VIPR2: variants seen among roughly 807,000 people sequenced by gnomAD.
VIPR2 encodes the protein vasoactive intestinal polypeptide receptor 2.
A neutral mutation model predicts 58.0 loss-of-function variants in VIPR2; 48 were observed. The ratio of observed to expected loss-of-function variants is 0.83; its 90% CI spans 0.66 to 1.05. The LOEUF is 1.05. Ranked by LOEUF, VIPR2 falls within the 50% of genes least tolerant of loss-of-function variation. The probability of loss-of-function intolerance (pLI) is 0.00; values close to 1 mark genes in which losing one functional copy is unlikely to be tolerated. For synonymous variants in VIPR2, 243 were observed against 235.2 expected (o/e 1.03, Z -0.30); for missense variants, 534 against 558.0 (o/e 0.96, Z 0.43).
At position 159,030,668 on chromosome 7, in the gene VIPR2, T is replaced by G. The variant is rs1282615864; in HGVS notation, c.1265A>C (p.His422Pro). 2 of 1,563,740 alleles carry G rather than the reference T, an allele frequency of 1.3e-6. No individual in the cohort carries two copies. Among genetic ancestry groups the G allele is most frequent in the Admixed American group, 3.8e-5 (2 of 52,816 alleles). The change falls in exon 13 of 13, where the codon CAC (histidine) becomes CCC (proline). Residue 422 changes from histidine to proline, a missense_variant. His to Pro is a moderately conservative substitution (Grantham distance 77). This residue lies in a region of VIPR2 where 306 missense variants were observed against 285.8 expected (regional missense o/e 1.07). Coordinates refer to ENST00000262178, the MANE Select transcript of VIPR2 (RefSeq NM_003382.5). ...GAAGGACTGGGCGCGGGAGCCGCGG[T>G]GGAACTGCAGGGCGCCCTCCGAGCC... ...RNGSEGALQF[H>P]RGSRAQSFLQ... is the part of the protein sequence containing the mutation.
chr7:159,054,135 G>A (rs944089016), intron 5 of VIPR2, among the ~76,000 whole-genome samples: 15 of 152,158 alleles, frequency 9.9e-5, no homozygotes, highest in Admixed American at 9.2e-4. Flanking sequence ...TCCTGTACCC[G>A]CTCCCGGACA....
chr7:159,060,000 C>T (rs975560184), intron 4 of VIPR2, among the ~76,000 whole-genome samples: 1 of 151,168 alleles, frequency 6.6e-6, no homozygotes, highest in Non-Finnish European at 1.5e-5. Flanking sequence ...CTCACCTTAT[C>T]TAACCACCAC....
intron 2 of VIPR2, among the ~76,000 whole-genome samples, chr7:159,124,304 T>A (rs967894733): frequency 4.6e-5 from 7 of 152,200 alleles, no homozygotes; most frequent in Admixed American, 1.3e-4. Flanking sequence ...TCTTTAACCA[T>A]CTTGAGTTGA....
At chr7:159,143,507 C>G (rs1258595002) in intron 1 of VIPR2, among the ~76,000 whole-genome samples, 1 of 152,182 alleles carries the variant, frequency 6.6e-6, no homozygotes, top group Non-Finnish European at 1.5e-5. Context: ...ACCAGGAACA[C>G]AATATCCTAA....
At chr7:159,107,986 T>C (rs777498443) in intron 3 of VIPR2, among the ~76,000 whole-genome samples, 2 of 152,200 alleles carry the variant, frequency 1.3e-5, no homozygotes, top group Non-Finnish European at 2.9e-5. Context: ...AATGTTTCAT[T>C]AGAATGGTGA....
At chr7:159,122,952 C>A (rs758489941) in intron 2 of VIPR2, among the ~76,000 whole-genome samples, 2 of 151,978 alleles carry the variant, frequency 1.3e-5, no homozygotes, top group Non-Finnish European at 2.9e-5. Context: ...GGTATTAAAC[C>A]CAGTATTCAG....
chr7:159,105,572 G>A (rs1362297466), intron 3 of VIPR2, among the ~76,000 whole-genome samples: 2 of 152,142 alleles, frequency 1.3e-5, no homozygotes, highest in African/African-American at 4.8e-5. Context: ...GGAGTGGGGT[G>A]GGAGACTGGT....
chr7:159,065,388 G>C (rs1312223331), intron 4 of VIPR2, among the ~76,000 whole-genome samples: 1 of 152,170 alleles, frequency 6.6e-6, no homozygotes, highest in African/African-American at 2.4e-5. Flanking sequence ...AATACGTCAA[G>C]CCCTGGTGTC....
At chr7:159,048,839 T>G (rs1344469206) in intron 5 of VIPR2, among the ~76,000 whole-genome samples, 1 of 152,210 alleles carries the variant, frequency 6.6e-6, no homozygotes, top group African/African-American at 2.4e-5. Context: ...CAGCGTGCAC[T>G]CAGCTCAGCC....
chr7:159,107,865 T>C (rs956041728), intron 3 of VIPR2, among the ~76,000 whole-genome samples: 2 of 152,156 alleles, frequency 1.3e-5, no homozygotes, highest in South Asian at 4.1e-4. Context: ...ACTGTGATGA[T>C]GCACAGTGCC....
At chr7:159,047,551 G>A (rs1854730581) in intron 5 of VIPR2, among the ~76,000 whole-genome samples, 1 of 152,080 alleles carries the variant, frequency 6.6e-6, no homozygotes, top group South Asian at 2.1e-4. Flanking sequence ...TCAAAACCCT[G>A]AATTTATTGC....
chr7:159,073,463 G>A (rs1418701173), intron 4 of VIPR2, among the ~76,000 whole-genome samples: 1 of 152,196 alleles, frequency 6.6e-6, no homozygotes, highest in African/African-American at 2.4e-5. Flanking sequence ...TGTCACCCAG[G>A]TTGGAGTGAA....
chr7:159,058,418 G>T, intron 5 of VIPR2, 63 bp downstream of exon 5: 1 of 1,453,840 alleles, frequency 6.9e-7, no homozygotes, highest in Non-Finnish European at 9.6e-7. Context: ...GCGCCTAGAA[G>T]GCCTAAATGG....
At chr7:159,143,267 C>T (rs900338872) in intron 1 of VIPR2, among the ~76,000 whole-genome samples, 5 of 152,232 alleles carry the variant, frequency 3.3e-5, no homozygotes, top group African/African-American at 1.2e-4. Context: ...CCGTTTCTAC[C>T]TTGTTCTTCA....
intron 4 of VIPR2, among the ~76,000 whole-genome samples, chr7:159,081,373 T>C (rs1160697589): frequency 6.6e-6 from 1 of 152,240 alleles, no homozygotes; most frequent in Non-Finnish European, 1.5e-5. Context: ...TGGGAAAGGA[T>C]TCCCTATTTA....
chr7:159,030,764 C>T lies in VIPR2; in HGVS notation c.1169G>A (p.Trp390Ter). 6.3e-7 allele frequency: 1 copy of T among 1,595,192 alleles called. No homozygotes were observed. The highest frequency in any genetic ancestry group is 8.5e-7 in the Non-Finnish European group (1 of 1,172,038). Residue 390 changes from tryptophan (W) to a stop codon, truncating the protein, a stop_gained, in exon 13 of 13, where the codon TGG becomes TAG. Coordinates refer to ENST00000262178, the MANE Select transcript of VIPR2 (RefSeq NM_003382.5). LOFTEE classifies it low-confidence loss of function (END_TRUNC). ...SEVQCELKRK[W>*]RSRCPTPSAS... The stretch of plus-strand genomic sequence containing the variant: ...GGACGGGGTCGGGCACCGGCTTCGC[C>T]ATTTTCGCTTCAGCTCGCACTGCAC...
intron 4 of VIPR2, among the ~76,000 whole-genome samples, chr7:159,090,304 G>A (rs1281941330): frequency 8.1e-5 from 6 of 74,038 alleles, no homozygotes; most frequent in Admixed American, 2.7e-4. Context: ...CACCTCCTGC[G>A]ACCACTGCAA....
Position 159,034,202 on chromosome 7 carries a change from C to A in VIPR2, c.971+11G>T, listed in dbSNP as rs1289642448. On this transcript the variant is annotated intron_variant, in intron 10 of 12. Coordinates refer to ENST00000262178, the MANE Select transcript of VIPR2 (RefSeq NM_003382.5). ...CCCATCAGGGACGGCCAGGCCGGGA[C>A]ACACACTCACTTGTACTGAGACTGG... 6.2e-7 allele frequency: 1 copy of A among 1,613,450 alleles called. No individual in the cohort carries two copies. The highest frequency in any genetic ancestry group is 8.5e-7 in the Non-Finnish European group (1 of 1,179,710).
chr7:159,144,270 G>T, intron 1 of VIPR2: 2 of 1,335,914 alleles, frequency 1.5e-6, no homozygotes, highest in East Asian at 3.0e-5. Context: ...TTTAACCGAC[G>T]CCACGTCCCC....
Sources: gnomAD v4.1 joint callset for allele counts (sites outside exome capture counted in the v4.1 genomes callset) on GRCh38, gnomAD v4.1.1 for gene constraint, gnomAD v4.1.1 regional missense constraint, MANE v1.5 for transcripts, NCBI Gene and HGNC (gene_info 2026-07-23, HGNC 2026-07-21) for gene names.